Variants in PCDHGA8 observed in about 807,000 individuals in gnomAD.
PCDHGA8 encodes the protein protocadherin gamma subfamily A, 8.
In PCDHGA8, 45 loss-of-function variants were observed where a neutral mutation model predicts 59.2. That is an observed-to-expected ratio of 0.76 (90% CI 0.60 to 0.98). PCDHGA8 has a LOEUF of 0.98. PCDHGA8 is among the 50% of genes least tolerant of loss of function. The pLI is 0.00. For missense variants in PCDHGA8, 1,257 were observed against 1,196.2 expected, an observed-to-expected ratio of 1.05 and a Z score of -0.75; for synonymous variants, 531 against 519.0, an observed-to-expected ratio of 1.02 and a Z score of -0.32.
chr5:141,412,385 A>G (rs1041538045), intron 1 of PCDHGA8: 8 of 152,236 alleles, frequency 5.3e-5, no homozygotes, highest in African/African-American at 1.9e-4. Flanking sequence ...AAATAGGTCC[A>G]TTTAACTTGT....
chr5:141,398,783 A>G (rs1300541880), intron 1 of PCDHGA8: 4 of 1,613,944 alleles, frequency 2.5e-6, no homozygotes, highest in Non-Finnish European at 3.4e-6. Flanking sequence ...GACGGTGGAC[A>G]TCCACCCCTA....
rs868008554 is a variant in PCDHGA8, at chr5:141,431,417, C to T, written c.2424+36180C>T. 1 of 1,613,666 alleles carries T rather than the reference C, an allele frequency of 6.2e-7. No homozygotes were observed. Among genetic ancestry groups the T allele is most frequent in the South Asian group, 1.1e-5 (1 of 91,082 alleles). ...CCTTACGGCCTCCGACGGGGGCGAC[C>T]CGGTGCGCACAGGCACCGCGCGCAT... On this transcript the variant is annotated intron_variant, in intron 1 of 3. Transcript: ENST00000398604. This position sits in a 1 kb window ranked among gnomAD's most constrained non-coding sequence, Gnocchi z 4.8.
Position 141,485,831 on chromosome 5 carries a change from C to T in PCDHGA8, c.2425-8976C>T. 1 of 1,614,080 alleles carries T rather than the reference C, an allele frequency of 6.2e-7. No individual in the cohort carries two copies. The highest frequency in any genetic ancestry group is 8.5e-7 in the Non-Finnish European group (1 of 1,180,026). ...GCTGACTGCTGTCGATGGAGGGAAC[C>T]CGCCGAGATCTGGCACCGCAGAGCT... On this transcript the variant is annotated intron_variant, in intron 1 of 3. Coordinates refer to ENST00000398604, the MANE Select transcript of PCDHGA8 (RefSeq NM_032088.2). This position sits in a 1 kb window ranked among gnomAD's most constrained non-coding sequence, Gnocchi z 5.7.
Position 141,490,693 on chromosome 5 carries a change from G to C in PCDHGA8, c.2425-4114G>C. 2 of 1,614,170 alleles carry C rather than the reference G, an allele frequency of 1.2e-6. No homozygotes were observed. Among genetic ancestry groups the C allele is most frequent in the Non-Finnish European group, 1.7e-6 (2 of 1,180,018 alleles). ...GGCTGCCTCAGATCCAGACACTGGG[G>C]ATAATGCCCGCCTCACCTACTCCAT... is the stretch of plus-strand genomic sequence containing the variant. On this transcript the variant is annotated intron_variant, in intron 1 of 3. Coordinates refer to ENST00000398604, the MANE Select transcript of PCDHGA8 (RefSeq NM_032088.2). This position sits in a 1 kb window ranked among gnomAD's most constrained non-coding sequence, Gnocchi z 5.4.
Position 141,511,207 on chromosome 5 carries a change from T to A in PCDHGA8, c.*34T>A, listed in dbSNP as rs773761839. ...CCAGGCCAAGAGCCACAGGGCGGCC[T>A]CTCCCCAACCAGCCCAGCTTCTCCT... On this transcript the variant is annotated 3_prime_UTR_variant, in exon 4 of 4. Transcript: ENST00000398604. 1 of 1,611,162 alleles carries A rather than the reference T, an allele frequency of 6.2e-7. No individual in the cohort carries two copies. The highest frequency in any genetic ancestry group is 1.1e-5 in the South Asian group (1 of 90,702).
At chr5:141,403,672 G>A in intron 1 of PCDHGA8, 1 of 1,613,846 alleles carries the variant, frequency 6.2e-7, no homozygotes, top group Non-Finnish European at 8.5e-7. Context: ...ATAATGCCCC[G>A]GTTTTTGCTC....
chr5:141,398,212 C>T, intron 1 of PCDHGA8: 1 of 1,484,360 alleles, frequency 6.7e-7, no homozygotes, highest in South Asian at 1.3e-5. Flanking sequence ...CTGCCCGGCG[C>T]TCTGTGAGCA....
intron 1 of PCDHGA8, chr5:141,478,670 C>G: frequency 6.4e-7 from 1 of 1,551,664 alleles, no homozygotes; most frequent in East Asian, 2.4e-5. Flanking sequence ...TTCACACTTT[C>G]AACTGGCCCT....
rs1369150914 is a variant in PCDHGA8 at position 141,432,217 on chromosome 5, G to A, written c.2424+36980G>A. The A allele has an allele frequency of 3.1e-6, 5 of 1,614,204 alleles. No individual in the cohort carries two copies. The East Asian group carries it at 6.7e-5, about 22-fold the overall frequency. On this transcript the variant is annotated intron_variant, in intron 1 of 3. Coordinates refer to ENST00000398604, the MANE Select transcript of PCDHGA8 (RefSeq NM_032088.2). The surrounding 1 kb of genome is among the most constrained non-coding windows in gnomAD (Gnocchi z 6.0). ...ACCCCGACTGTGAAGAGAACGCCCAGATCACTTATTCCCTGGCTGAGAACA... is the reference window on the plus strand; with the variant it reads ...ACCCCGACTGTGAAGAGAACGCCCAAATCACTTATTCCCTGGCTGAGAACA...
chr5:141,414,443 A>G (rs1413718059), intron 1 of PCDHGA8: 1 of 1,613,892 alleles, frequency 6.2e-7, no homozygotes, highest in Non-Finnish European at 8.5e-7. Flanking sequence ...TCCTCTTACA[A>G]TATCACAGTG....
intron 1 of PCDHGA8, among the ~76,000 whole-genome samples, chr5:141,472,422 C>T (rs1328468154): frequency 6.6e-6 from 1 of 152,008 alleles, no homozygotes; most frequent in East Asian, 1.9e-4. Flanking sequence ...GCACCTGTAT[C>T]CCAGCTACTA....
chr5:141,421,538 T>A, intron 1 of PCDHGA8: 2 of 1,614,028 alleles, frequency 1.2e-6, no homozygotes, highest in Non-Finnish European at 1.7e-6. Context: ...TCCTCCTGTT[T>A]TTTAAATATG....
In PCDHGA8 at chr5:141,485,354, G is replaced by C; in HGVS notation, c.2425-9453G>C. 7 of 1,614,176 alleles carry C rather than the reference G, an allele frequency of 4.3e-6. No homozygotes were observed. Among genetic ancestry groups the C allele is most frequent in the Non-Finnish European group, 5.1e-6 (6 of 1,180,024 alleles). Reference sequence around the variant, plus strand: ...CCTGCTGGATACGGACAGTCTGTCAGCTCGCAGGCTGCAGGTCGCTGGAGA... The same window carrying C: ...CCTGCTGGATACGGACAGTCTGTCACCTCGCAGGCTGCAGGTCGCTGGAGA... On this transcript the variant is annotated intron_variant, in intron 1 of 3. Transcript: ENST00000398604. This position sits in a 1 kb window ranked among gnomAD's most constrained non-coding sequence, Gnocchi z 5.7.
chr5:141,508,535 C>A (rs1294413041), intron 3 of PCDHGA8, among the ~76,000 whole-genome samples: 1 of 152,172 alleles, frequency 6.6e-6, no homozygotes, highest in Non-Finnish European at 1.5e-5. Context: ...GGGCACCCCC[C>A]ACGAGGTGGG....
At chr5:141,403,159 A>G (rs778714191) in intron 1 of PCDHGA8, 2 of 1,614,002 alleles carry the variant, frequency 1.2e-6, no homozygotes, top group East Asian at 4.5e-5. Context: ...TCGTCTCTAG[A>G]GGTAGGACGC....
chr5:141,444,800 A>G (rs1294854513), intron 1 of PCDHGA8, among the ~76,000 whole-genome samples: 1 of 152,078 alleles, frequency 6.6e-6, no homozygotes, highest in East Asian at 1.9e-4. Flanking sequence ...CTATTCTTTT[A>G]CTAATAGCAC....
Position 141,477,201 on chromosome 5 carries a change from C to T in PCDHGA8, c.2425-17606C>T, listed in dbSNP as rs1269388368. 6.2e-7 allele frequency: 1 copy of T among 1,614,076 alleles called. No homozygotes were observed. Among genetic ancestry groups the T allele is most frequent in the Non-Finnish European group, 8.5e-7 (1 of 1,180,056 alleles). On this transcript the variant is annotated intron_variant, in intron 1 of 3. Transcript: ENST00000398604. The surrounding 1 kb of genome is among the most constrained non-coding windows in gnomAD (Gnocchi z 4.9). ...GTCACCTCCGTGTACAGCCCAGTAC[C>T]CGAGGATGCCCCTCTGGGGACTGTC... is the stretch of plus-strand genomic sequence containing the variant.
At chr5:141,400,302 T>A (rs7701363) in intron 1 of PCDHGA8, 1 of 1,614,082 alleles carries the variant, frequency 6.2e-7, no homozygotes, top group African/African-American at 1.3e-5. Context: ...GCTTCCAACC[T>A]GGTCTCTGTG....
chr5:141,481,030 C>A (rs1277171839), intron 1 of PCDHGA8, among the ~76,000 whole-genome samples: 1 of 152,024 alleles, frequency 6.6e-6, no homozygotes, highest in African/African-American at 2.4e-5. Context: ...TGCACTCCAG[C>A]CTGGGCGACA....
Sources: allele counts gnomAD v4.1 joint callset (sites outside exome capture counted in the v4.1 genomes callset), GRCh38; gene constraint gnomAD v4.1.1; non-coding constraint Gnocchi (gnomAD v3.1); transcripts MANE v1.5; gene names NCBI Gene and HGNC (gene_info 2026-07-23, HGNC 2026-07-21).